DNAJC24: variants seen among roughly 807,000 people sequenced by gnomAD.
The protein encoded by DNAJC24 is DnaJ heat shock protein family (Hsp40) member C24, also known as dnaJ homolog subfamily C member 24.
Under a neutral mutation model 18.0 loss-of-function variants are expected in DNAJC24, and 17 were observed. The observed-to-expected ratio is 0.94, with a 90% CI of 0.65 to 1.42. DNAJC24 has a LOEUF of 1.42. DNAJC24 is among the 40% of genes most tolerant of loss of function. The pLI is 0.00. For synonymous variants in DNAJC24, 55 were observed against 57.7 expected, an observed-to-expected ratio of 0.95 and a Z score of 0.21; for missense variants, 158 against 175.6, an observed-to-expected ratio of 0.90 and a Z score of 0.57.
At chr11:31,383,557 A>G (rs536147240) in intron 2 of DNAJC24, among the ~76,000 whole-genome samples, 3 of 152,304 alleles carry the variant, frequency 2.0e-5, no homozygotes, top group African/African-American at 4.8e-5. Flanking sequence ...TAATTTTCAC[A>G]TTGTCTTTGG....
chr11:31,387,153 G>A (rs1952438094), intron 2 of DNAJC24, among the ~76,000 whole-genome samples: 1 of 152,124 alleles, frequency 6.6e-6, no homozygotes, highest in African/African-American at 2.4e-5. Context: ...CTCTGGGTTT[G>A]CCCAGGGCCA....
chr11:31,379,831 C>T (rs113426534), intron 2 of DNAJC24, among the ~76,000 whole-genome samples: 1 of 152,006 alleles, frequency 6.6e-6, no homozygotes, highest in African/African-American at 2.4e-5. Context: ...GATCTAGTCT[C>T]ACTGCAACCT....
chr11:31,385,906 G>A (rs1396072199), intron 2 of DNAJC24, among the ~76,000 whole-genome samples: 2 of 152,072 alleles, frequency 1.3e-5, no homozygotes, highest in Non-Finnish European at 2.9e-5. Context: ...CCCTGCAGTG[G>A]CCACATGGCG....
At chr11:31,393,072 C>G (rs950461063) in intron 2 of DNAJC24, among the ~76,000 whole-genome samples, 1 of 152,202 alleles carries the variant, frequency 6.6e-6, no homozygotes, top group Admixed American at 6.5e-5. Flanking sequence ...GCAACCCAGT[C>G]TATGGTTTTT....
Position 31,374,798 on chromosome 11 carries a change from T to G in DNAJC24, c.111+3939T>G, listed in dbSNP as rs1285562831. Among the ~76,000 whole-genome samples, 3 of 134,556 alleles carry G rather than the reference T, an allele frequency of 2.2e-5. 1 individual carries two copies. The highest frequency in any genetic ancestry group is 5.2e-5 in the Non-Finnish European group (3 of 58,224). 88.3% of individuals were successfully genotyped at this position (134,556 alleles called of 152,430 possible). On this transcript the variant is annotated intron_variant, in intron 2 of 4. Coordinates refer to ENST00000465995, the MANE Select transcript of DNAJC24 (RefSeq NM_181706.5). ...TGAATGAACTCACTTCTTTGTCTCT[T>G]TCACTTTAGACTTAGGTTTCAGTTT... is the stretch of plus-strand genomic sequence containing the variant.
At chr11:31,387,311 T>C (rs531711788) in intron 2 of DNAJC24, among the ~76,000 whole-genome samples, 4 of 152,244 alleles carry the variant, frequency 2.6e-5, no homozygotes, top group African/African-American at 9.6e-5. Flanking sequence ...AGTGCGGTGG[T>C]GGCTTCAAGT....
At chr11:31,413,828 C>G (rs1952731765) in intron 2 of DNAJC24, among the ~76,000 whole-genome samples, 1 of 152,052 alleles carries the variant, frequency 6.6e-6, no homozygotes, top group African/African-American at 2.4e-5. Context: ...CTATTGTTAA[C>G]CCTAGATTTT....
intron 2 of DNAJC24, 48 bp from the exon 3 acceptor site, chr11:31,414,763 A>G (rs1463522622): frequency 1.3e-6 from 2 of 1,558,528 alleles, no homozygotes; most frequent in Middle Eastern, 1.7e-4. Flanking sequence ...ATCTAACCCC[A>G]CTCAGCTCTC....
chr11:31,416,285 C>T (rs979339987), intron 3 of DNAJC24: 6 of 152,086 alleles, frequency 3.9e-5, no homozygotes, highest in East Asian at 3.9e-4. Context: ...ATTTTTTAAA[C>T]ATGTTTGTAC....
chr11:31,412,110 A>T (rs962436326), intron 2 of DNAJC24, among the ~76,000 whole-genome samples: 8 of 152,154 alleles, frequency 5.3e-5, no homozygotes, highest in African/African-American at 4.8e-5. Context: ...ATTGAATTGT[A>T]CTTTGACTAT....
chr11:31,419,687 C>CTTGG (rs1030727302), intron 3 of DNAJC24, among the ~76,000 whole-genome samples: 5 of 151,942 alleles, frequency 3.3e-5, no homozygotes, highest in African/African-American at 1.2e-4. Flanking sequence ...CAACTTTCCA[C>CTTGG]TTGGTTACTT....
intron 2 of DNAJC24, among the ~76,000 whole-genome samples, chr11:31,402,508 G>C (rs374221739): frequency 1.3e-5 from 2 of 152,050 alleles, no homozygotes; most frequent in African/African-American, 4.8e-5. Context: ...ACTTTACAAA[G>C]TTTTTTAAAA....
intron 2 of DNAJC24, among the ~76,000 whole-genome samples, chr11:31,397,591 T>C (rs1416188828): frequency 6.6e-6 from 1 of 151,996 alleles, no homozygotes; most frequent in African/African-American, 2.4e-5. Flanking sequence ...TTTAAGCAAG[T>C]GAGCATCTCA....
chr11:31,425,956 A>G (rs1952857018), intron 3 of DNAJC24, among the ~76,000 whole-genome samples: 1 of 152,192 alleles, frequency 6.6e-6, no homozygotes, highest in South Asian at 2.1e-4. Context: ...CAAACAAACA[A>G]AAAACATTTC....
At chr11:31,372,571 G>A (rs1952276015) in intron 2 of DNAJC24, among the ~76,000 whole-genome samples, 1 of 135,618 alleles carries the variant, frequency 7.4e-6, no homozygotes, top group African/African-American at 2.5e-5. Flanking sequence ...AAGTAGACTG[G>A]ATCATTCTGG....
intron 2 of DNAJC24, among the ~76,000 whole-genome samples, chr11:31,379,383 T>G (rs1487630293): frequency 2.6e-5 from 4 of 152,152 alleles, no homozygotes; most frequent in Admixed American, 2.6e-4. Flanking sequence ...AACAGTTTCA[T>G]TCTGAAACCA....
At chr11:31,422,916 AC>A (rs1223652642) in intron 3 of DNAJC24, among the ~76,000 whole-genome samples, 2 of 151,890 alleles carry the variant, frequency 1.3e-5, no homozygotes, top group Admixed American at 1.3e-4. Context: ...GATCTTGGTC[AC>A]CCCCCACTGC....
intron 3 of DNAJC24, among the ~76,000 whole-genome samples, chr11:31,423,415 C>A (rs1244493792): frequency 6.6e-6 from 1 of 152,170 alleles, no homozygotes; most frequent in Non-Finnish European, 1.5e-5. Context: ...CGCACACCAC[C>A]ACACCTGGCT....
chr11:31,382,987 G>C (rs1952392102), intron 2 of DNAJC24, among the ~76,000 whole-genome samples: 1 of 152,066 alleles, frequency 6.6e-6, no homozygotes, highest in South Asian at 2.1e-4. Context: ...AAATTTACTT[G>C]TATTTACATA....
Sources: allele counts gnomAD v4.1 joint callset (sites outside exome capture counted in the v4.1 genomes callset), GRCh38; gene constraint gnomAD v4.1.1; transcripts MANE v1.5; gene names NCBI Gene and HGNC (gene_info 2026-07-23, HGNC 2026-07-21).